RPL10: variants seen among roughly 807,000 people sequenced by gnomAD.
RPL10 encodes large ribosomal subunit protein uL16.
In RPL10, 1 loss-of-function variant was observed where a neutral mutation model predicts 15.7. The observed-to-expected ratio is 0.06, with a 90% CI of 0.02 to 0.30. RPL10 has a LOEUF of 0.30. RPL10 is among the 10% of genes least tolerant of loss of function. RPL10 has a pLI of 1.00. For synonymous variants in RPL10, 59 were observed against 64.0 expected (o/e 0.92, Z 0.37); for missense variants, 54 against 183.4 (o/e 0.29, Z 4.08).
chrX:154,398,884 G>A lies in RPL10; in HGVS notation c.23+342G>A, dbSNP rs2067965528. 8.1e-6 allele frequency: 3 copies of A among 369,817 alleles called. No individual in the cohort carries two copies. The Admixed American group carries it at 1.4e-4, about 18-fold the overall frequency. 30.5% of individuals were successfully genotyped at this position (369,817 alleles called of 1,213,427 possible). A position where few individuals can be genotyped will look rare whatever the true frequency, so the allele number is the denominator to read the frequency against. On this transcript the variant is annotated intron_variant, in intron 2 of 6. Transcript: ENST00000369817. ...CCGCGTGCGTTGTCGGACGTGAAGG[G>A]CAGTCCGGGAAAAACGGGTGCGGCC...
chrX:154,398,702 G>A, intron 2 of RPL10, 160 bp downstream of exon 2: 1 of 609,783 alleles, frequency 1.6e-6, no homozygotes, highest in Non-Finnish European at 2.7e-6. Flanking sequence ...TTTTTAGTCT[G>A]CAATATTACT....
intron 2 of RPL10, 104 bp downstream of exon 2, chrX:154,398,646 G>A: frequency 1.9e-6 from 2 of 1,044,459 alleles, no homozygotes; most frequent in Non-Finnish European, 2.7e-6. Flanking sequence ...CCCGTGCGGC[G>A]GCCCTGTCTT....
chrX:154,400,118 A>C, intron 5 of RPL10, 177 bp downstream of exon 5: 1 of 579,413 alleles, frequency 1.7e-6, no homozygotes, highest in Non-Finnish European at 2.9e-6. Context: ...ATACAAACAA[A>C]GCATGAGTAA....
rs2068036831 is a variant in RPL10, at chrX:154,401,601, ATGAG to A, written c.*748_*751del. Reference sequence around the variant, plus strand: ...GCTGGCTTTTGGGGGAGCAGCAAAAATGAGAGGAGTGCTAGGTGGGTGGCCTGAG... The same window carrying A: ...GCTGGCTTTTGGGGGAGCAGCAAAAAAGGAGTGCTAGGTGGGTGGCCTGAG... On this transcript the variant is annotated 3_prime_UTR_variant, in exon 7 of 7. Transcript: ENST00000369817. The A allele has an allele frequency of 8.9e-6, 1 of 112,157 alleles. No individual in the cohort carries two copies. The highest frequency in any genetic ancestry group is 1.9e-5 in the Non-Finnish European group (1 of 53,608). 9.2% of individuals were successfully genotyped at this position (112,157 alleles called of 1,213,427 possible). A position where few individuals can be genotyped will look rare whatever the true frequency, so the allele number is the denominator to read the frequency against.
At position 154,400,975 on chromosome X, in the gene RPL10, A is replaced by G. The variant is rs782325175; in HGVS notation, c.*121A>G. 13 of 1,173,530 alleles carry G rather than the reference A, an allele frequency of 1.1e-5. No individual in the cohort carries two copies. Among genetic ancestry groups the G allele is most frequent in the Admixed American group, 2.5e-5 (1 of 40,334 alleles). ...AACTTCCTCTGGGAACCTTTGGGTC[A>G]TTGCCCTTTCACTTCAGAAACAGGT... is the stretch of plus-strand genomic sequence containing the variant. On this transcript the variant is annotated 3_prime_UTR_variant, in exon 7 of 7. Transcript: ENST00000369817.
upstream of RPL10, chrX:154,398,261 G>A (rs781870570): frequency 5.8e-6 from 3 of 514,274 alleles, no homozygotes; most frequent in East Asian, 1.1e-4. Flanking sequence ...GCCAAGAGCG[G>A]CTGCGTCTAT....
At chrX:154,398,885 C>T (rs1603368142) in intron 2 of RPL10, 3 of 370,842 alleles carry the variant, frequency 8.1e-6, no homozygotes, top group Non-Finnish European at 1.5e-5. Context: ...ACGTGAAGGG[C>T]AGTCCGGGAA....
Position 154,399,471 on chromosome X carries a change from TAC to T in RPL10, c.83-15_83-14del, listed in dbSNP as rs1557185292. Reference sequence around the variant, plus strand: ...CCGTCTGTGACACCCCCTGCACACTTACCCAATCCTTTTAGATGCCAAGATTC... The same window carrying T: ...CCGTCTGTGACACCCCCTGCACACTTCCAATCCTTTTAGATGCCAAGATTC... On this transcript the variant is annotated splice_polypyrimidine_tract_variant and intron_variant, in intron 3 of 6. Transcript: ENST00000369817. The T allele has an allele frequency of 1.7e-6, 2 of 1,211,344 alleles. No homozygotes were observed. The highest frequency in any genetic ancestry group is 1.8e-5 in the South Asian group (1 of 57,019).
chrX:154,399,153 TTG>T (rs1463347962), intron 2 of RPL10, among the ~76,000 whole-genome samples, 183 bp from the exon 3 acceptor site: 4 of 112,030 alleles, frequency 3.6e-5, no homozygotes, highest in African/African-American at 9.8e-5. Context: ...GTCTTGGGTG[TTG>T]TCTGTGTTGC....
intron 4 of RPL10, 59 bp from the exon 5 acceptor site, chrX:154,399,744 G>A: frequency 2.5e-6 from 3 of 1,197,157 alleles, no homozygotes; most frequent in East Asian, 3.0e-5. Flanking sequence ...GGAGATAGTC[G>A]TGGTGAATGT....
Position 154,400,709 on chromosome X carries a change from T to C in RPL10, c.500T>C (p.Ile167Thr). The change falls in exon 7 of 7, where the codon ATC (isoleucine) becomes ACC (threonine). Residue 167 changes from isoleucine to threonine, a missense_variant. Around this residue, in one of 3 missense-constraint regions of RPL10, gnomAD observed 32 missense variants for 76.0 expected, o/e 0.42. Coordinates refer to ENST00000369817, the MANE Select transcript of RPL10 (RefSeq NM_006013.5). ...CTTTCCATTGCTCCTTAGATCCACA[T>C]CTCAAAGAAGTGGGGCTTCACCAAG... ...FKFPGRQKIH[I>T]SKKWGFTKFN... 1 of 1,211,401 alleles carries C rather than the reference T, an allele frequency of 8.3e-7. No homozygotes were observed. Among genetic ancestry groups the C allele is most frequent in the Admixed American group, 2.2e-5 (1 of 46,015 alleles).
intron 3 of RPL10, 33 bp downstream of exon 3, chrX:154,399,429 C>G: frequency 1.7e-6 from 2 of 1,208,319 alleles, no homozygotes; most frequent in South Asian, 3.5e-5. Context: ...CACTGGTTGG[C>G]TCTGCGGACT....
In RPL10 at chrX:154,401,556, C is replaced by G. The variant is rs1010700600; in HGVS notation, c.*702C>G. 6.9e-5 allele frequency: 8 copies of G among 116,234 alleles called. No individual in the cohort carries two copies. The highest frequency in any genetic ancestry group is 1.4e-4 in the Non-Finnish European group (8 of 55,758). 9.6% of individuals were successfully genotyped at this position (116,234 alleles called of 1,213,427 possible). The stretch of plus-strand genomic sequence containing the variant: ...GGCCTGGGGATCTTAGATGTCTGAC[C>G]TGAACTATTGTAGAACAGCGCTGGC... On this transcript the variant is annotated 3_prime_UTR_variant, in exon 7 of 7. Coordinates refer to ENST00000369817, the MANE Select transcript of RPL10 (RefSeq NM_006013.5).
chrX:154,399,731 G>C (rs781788440), intron 4 of RPL10, 72 bp from the exon 5 acceptor site: 1 of 1,185,661 alleles, frequency 8.4e-7, no homozygotes, highest in African/African-American at 1.8e-5. Flanking sequence ...GTTCCCCTGA[G>C]CTGGAGATAG....
chrX:154,401,086 TGACTTG>T lies in RPL10; in HGVS notation c.*236_*241del. On this transcript the variant is annotated 3_prime_UTR_variant, in exon 7 of 7. Coordinates refer to ENST00000369817, the MANE Select transcript of RPL10 (RefSeq NM_006013.5). Reference sequence around the variant, plus strand: ...TATGTCAGTTGTCTACTCTGGAGCTTGACTTGGACCTCCCCAGGTCCTAGGCAGTAG... The same window carrying T: ...TATGTCAGTTGTCTACTCTGGAGCTTGACCTCCCCAGGTCCTAGGCAGTAG... 1 of 969,188 alleles carries T rather than the reference TGACTTG, an allele frequency of 1.0e-6. No individual in the cohort carries two copies. Among genetic ancestry groups the T allele is most frequent in the Non-Finnish European group, 1.4e-6 (1 of 721,579 alleles). 79.9% of individuals were successfully genotyped at this position (969,188 alleles called of 1,213,427 possible).
chrX:154,399,780 C>T, intron 4 of RPL10, 23 bp from the exon 5 acceptor site: 2 of 1,210,410 alleles, frequency 1.7e-6, no homozygotes, highest in South Asian at 1.8e-5. Context: ...TCTCACTTTG[C>T]TGCTTTTCTT....
intron 2 of RPL10, 45 bp from the exon 3 acceptor site, chrX:154,399,292 CT>C: frequency 8.4e-7 from 1 of 1,188,458 alleles, no homozygotes; most frequent in Non-Finnish European, 1.1e-6. Flanking sequence ...GCCTGTTGGG[CT>C]TTCTGTGAAC....
chrX:154,401,462 C>G lies in RPL10; in HGVS notation c.*608C>G, dbSNP rs782033311. 23 of 132,104 alleles carry G rather than the reference C, an allele frequency of 1.7e-4. No homozygotes were observed. The highest frequency in any genetic ancestry group is 3.2e-4 in the Non-Finnish European group (21 of 64,911). 10.9% of individuals were successfully genotyped at this position (132,104 alleles called of 1,213,427 possible). A position where few individuals can be genotyped will look rare whatever the true frequency, so the allele number is the denominator to read the frequency against. ...ATTCCCAGGGCCTTCACCACCTGACCAAAGGTCTAGGCTAACCTTTGGTCA... is the reference window on the plus strand; with the variant it reads ...ATTCCCAGGGCCTTCACCACCTGACGAAAGGTCTAGGCTAACCTTTGGTCA... On this transcript the variant is annotated 3_prime_UTR_variant, in exon 7 of 7. Transcript: ENST00000369817.
chrX:154,398,157 G>A (rs1557184701), upstream of RPL10: 1 of 401,156 alleles, frequency 2.5e-6, no homozygotes, highest in South Asian at 2.8e-5. Flanking sequence ...GCGACCATGT[G>A]GCGAAGCCCC....
Sources: gnomAD v4.1 joint callset for allele counts (sites outside exome capture counted in the v4.1 genomes callset) on GRCh38, gnomAD v4.1.1 for gene constraint, gnomAD v4.1.1 regional missense constraint, MANE v1.5 for transcripts, NCBI Gene and HGNC (gene_info 2026-07-23, HGNC 2026-07-21) for gene names.